The following PDE3B variants were observed in gnomAD, a reference collection of about 807,000 sequenced individuals.
PDE3B encodes cGMP-inhibited 3',5'-cyclic phosphodiesterase 3B.
PDE3B carries 66 observed loss-of-function variants against 116.8 expected under a neutral mutation model. The ratio of observed to expected loss-of-function variants is 0.56; its 90% CI spans 0.46 to 0.69. The LOEUF is 0.69. Ranked by LOEUF, PDE3B falls within the 30% of genes least tolerant of loss-of-function variation. PDE3B has a pLI of 0.00. For synonymous variants in PDE3B, 595 were observed against 533.6 expected (o/e 1.12, Z -1.59); for missense variants, 1,384 against 1,368.1 (o/e 1.01, Z -0.18).
intron 1 of PDE3B, among the ~76,000 whole-genome samples, chr11:14,770,885 A>C (rs920621919): frequency 4.0e-5 from 6 of 151,842 alleles, no homozygotes; most frequent in African/African-American, 1.4e-4. Context: ...AGCAAACTGT[A>C]GTCCACTGAC....
At chr11:14,691,041 G>C (rs1855028659) in intron 1 of PDE3B, among the ~76,000 whole-genome samples, 1 of 152,164 alleles carries the variant, frequency 6.6e-6, no homozygotes, top group Non-Finnish European at 1.5e-5. Context: ...GGTTAAAGCA[G>C]TGTAGAAATA....
At chr11:14,653,526 C>T (rs988636954) in intron 1 of PDE3B, among the ~76,000 whole-genome samples, 10 of 151,932 alleles carry the variant, frequency 6.6e-5, no homozygotes, top group Non-Finnish European at 1.5e-4. Flanking sequence ...CATCATGCCA[C>T]TACACTCCAG....
chr11:14,718,794 C>G (rs1257079430), intron 1 of PDE3B, among the ~76,000 whole-genome samples: 16 of 132,786 alleles, frequency 1.2e-4, no homozygotes, highest in African/African-American at 4.6e-4. Context: ...AAATTTATAG[C>G]ACTAAATGCC....
rs778990123 is a variant in PDE3B at position 14,818,318 on chromosome 11, G to T, written c.1658G>T (p.Arg553Ile). 5 of 1,613,688 alleles carry T rather than the reference G, an allele frequency of 3.1e-6. No individual in the cohort carries two copies. Among genetic ancestry groups the T allele is most frequent in the Non-Finnish European group, 4.2e-6 (5 of 1,179,652 alleles). The change falls in exon 6 of 16, where the codon AGA becomes ATA. Residue 553 changes from arginine (R) to isoleucine (I), a missense_variant. Coordinates refer to ENST00000282096, the MANE Select transcript of PDE3B (RefSeq NM_000922.4). ...FLNKPSVILQ[R>I]SLGNAPNTPD... is the part of the protein sequence containing the mutation. ...AATAAGCCAAGCGTTATCTTGCAGA[G>T]ATCTCTGGGCAATGCACCTAATACT...
chr11:14,667,125 TC>T (rs1854183593), intron 1 of PDE3B, among the ~76,000 whole-genome samples: 2 of 151,620 alleles, frequency 1.3e-5, no homozygotes, highest in Non-Finnish European at 2.9e-5. Flanking sequence ...GGAGTTCATG[TC>T]CTTTGTAGGG....
chr11:14,649,328 A>G (rs1853499217), intron 1 of PDE3B, among the ~76,000 whole-genome samples: 1 of 152,228 alleles, frequency 6.6e-6, no homozygotes, highest in South Asian at 2.1e-4. Flanking sequence ...ATAGATATAT[A>G]AAATATAGGA....
At chr11:14,809,539 TAGAG>T (rs150443369) in intron 5 of PDE3B, among the ~76,000 whole-genome samples, 4 of 152,302 alleles carry the variant, frequency 2.6e-5, no homozygotes, top group African/African-American at 7.2e-5. Context: ...GATCTATAGA[TAGAG>T]AAAGTATATT....
At chr11:14,737,464 C>T (rs1237660791) in intron 1 of PDE3B, among the ~76,000 whole-genome samples, 1 of 151,816 alleles carries the variant, frequency 6.6e-6, no homozygotes, top group African/African-American at 2.4e-5. Context: ...TCCCAAAGTG[C>T]TGGGATTACA....
At chr11:14,671,119 A>C (rs922523558) in intron 1 of PDE3B, among the ~76,000 whole-genome samples, 19 of 152,158 alleles carry the variant, frequency 1.2e-4, no homozygotes, top group African/African-American at 4.1e-4. Flanking sequence ...AGCTTTAAGA[A>C]ATTTTAGCAG....
intron 5 of PDE3B, among the ~76,000 whole-genome samples, chr11:14,814,839 G>A (rs1209430442): frequency 6.6e-6 from 1 of 152,122 alleles, no homozygotes; most frequent in Non-Finnish European, 1.5e-5. Flanking sequence ...GCGGGCACCT[G>A]TAGTCCCAGC....
At chr11:14,717,950 G>C (rs1433404253) in intron 1 of PDE3B, among the ~76,000 whole-genome samples, 1 of 146,590 alleles carries the variant, frequency 6.8e-6, no homozygotes, top group Non-Finnish European at 1.5e-5. Flanking sequence ...TGGACTAAAT[G>C]CTCCAATTAA....
the PDE3B span, chr11:14,887,722 A>T: frequency 7.7e-6 from 6 of 775,928 alleles, no homozygotes; most frequent in African/African-American, 1.1e-4. Context: ...TGACCACTCC[A>T]TACATCCTTC....
At position 14,835,068 on chromosome 11, in the gene PDE3B, A is replaced by G. The variant is rs750790096; in HGVS notation, c.2293A>G (p.Asn765Asp). 2 of 1,611,652 alleles carry G rather than the reference A, an allele frequency of 1.2e-6. No homozygotes were observed. The highest frequency in any genetic ancestry group is 2.2e-5 in the South Asian group (2 of 90,770). ...AGTTCCTGGCTTACAGCAGATCCAC[A>G]ATGGTTGTGGAACAGGAAATGAAAC... is the stretch of plus-strand genomic sequence containing the variant. The part of the protein sequence containing the change: ...RPVPGLQQIH[N>D]GCGTGNETDS... Residue 765 changes from asparagine (N) to aspartate (D), a missense_variant, in exon 11 of 16, where the codon AAT (asparagine) becomes GAT (aspartate). Coordinates refer to ENST00000282096, the MANE Select transcript of PDE3B (RefSeq NM_000922.4).
At position 14,671,382 on chromosome 11, in the gene PDE3B, A is replaced by G. The variant is rs188268210; in HGVS notation, c.978+26329A>G. 2.1e-3 allele frequency among the ~76,000 whole-genome samples: 321 copies of G among 152,220 alleles called. 3 individuals are homozygous for G. The highest frequency in any genetic ancestry group is 4.8e-3 in the Admixed American group (74 of 15,270). The stretch of plus-strand genomic sequence containing the variant: ...CACACTCTAGGCAGAAGAACCAGCA[A>G]AGGCCCTGTGGTGGGAAAGATCTTG... On this transcript the variant is annotated intron_variant, in intron 1 of 15. Transcript: ENST00000282096.
At position 14,660,406 on chromosome 11, in the gene PDE3B, A is replaced by T. The variant is rs569331312; in HGVS notation, c.978+15353A>T. On this transcript the variant is annotated intron_variant, in intron 1 of 15. Coordinates refer to ENST00000282096, the MANE Select transcript of PDE3B (RefSeq NM_000922.4). The stretch of plus-strand genomic sequence containing the variant: ...AACCTCTGCCTCCCAGGCTCAAGCG[A>T]TCCTCCCACTTCAGCCTCTGGAGTA... 1.1e-3 allele frequency among the ~76,000 whole-genome samples: 169 copies of T among 150,448 alleles called. 2 individuals are homozygous for T. Among genetic ancestry groups the T allele is most frequent in the Non-Finnish European group, 5.6e-4 (38 of 67,758 alleles).
At chr11:14,828,781 A>G (rs530721160) in intron 7 of PDE3B, among the ~76,000 whole-genome samples, 2 of 152,322 alleles carry the variant, frequency 1.3e-5, no homozygotes, top group Admixed American at 1.3e-4. Context: ...AAATAGAAAT[A>G]CCATCTGACC....
chr11:14,887,936 A>G, the PDE3B span, among the ~76,000 whole-genome samples: 2 of 152,106 alleles, frequency 1.3e-5, no homozygotes, highest in Non-Finnish European at 2.9e-5. Context: ...TGGCCTCCCT[A>G]ATTTCATCCT....
intron 1 of PDE3B, among the ~76,000 whole-genome samples, chr11:14,688,138 TCTCTCC>T (rs775578149): frequency 0.046 from 6,315 of 136,258 alleles, 221 homozygotes; most frequent in African/African-American, 0.14. Flanking sequence ...TCTCTCTCTC[TCTCTCC>T]CTCCCTCCCT....
intron 12 of PDE3B, among the ~76,000 whole-genome samples, chr11:14,844,729 G>A (rs949728764): frequency 2.6e-5 from 4 of 152,216 alleles, no homozygotes; most frequent in Non-Finnish European, 5.9e-5. Flanking sequence ...GAGTCTCGCT[G>A]ATTGCTAGCA....
Sources: allele counts gnomAD v4.1 joint callset (sites outside exome capture counted in the v4.1 genomes callset), GRCh38; gene constraint gnomAD v4.1.1; transcripts MANE v1.5; gene names NCBI Gene and HGNC (gene_info 2026-07-23, HGNC 2026-07-21).